The following PCDH9 variants were observed in gnomAD, a reference collection of about 807,000 sequenced individuals.
PCDH9 encodes protocadherin-9.
A neutral mutation model predicts 70.6 loss-of-function variants in PCDH9; 24 were observed. That is an observed-to-expected ratio of 0.34 (90% CI 0.25 to 0.48). The LOEUF is 0.48. Among genes scored for constraint, PCDH9 ranks in the 20% least tolerant of loss-of-function variants. PCDH9 has a pLI of 0.99. For missense variants in PCDH9, 1,281 were observed against 1,503.6 expected (o/e 0.85, Z 2.45); for synonymous variants, 562 against 558.5 (o/e 1.01, Z -0.09).
chr13:66,427,303 G>A (rs1566316979), intron 4 of PCDH9, among the ~76,000 whole-genome samples: 2 of 151,528 alleles, frequency 1.3e-5, no homozygotes, highest in Non-Finnish European at 3.0e-5. Flanking sequence ...AATACTTCTT[G>A]ACTGCACATT....
intron 2 of PCDH9, among the ~76,000 whole-genome samples, chr13:66,982,436 T>G (rs1412250521): frequency 6.6e-6 from 1 of 152,194 alleles, no homozygotes; most frequent in Non-Finnish European, 1.5e-5. Flanking sequence ...TTACACCAAG[T>G]ATGTAAAAGT....
intron 2 of PCDH9, among the ~76,000 whole-genome samples, chr13:67,044,320 C>A (rs1594434380): frequency 6.6e-6 from 1 of 152,106 alleles, no homozygotes; most frequent in African/African-American, 2.4e-5. Flanking sequence ...AACCTTACAA[C>A]ATCTTATTAC....
intron 4 of PCDH9, among the ~76,000 whole-genome samples, chr13:66,356,487 T>G (rs1463248476): frequency 6.6e-6 from 1 of 152,140 alleles, no homozygotes; most frequent in Non-Finnish European, 1.5e-5. Flanking sequence ...TCTACAATTC[T>G]AATAGCCTTC....
chr13:66,969,809 T>C (rs1488143298), intron 2 of PCDH9, among the ~76,000 whole-genome samples: 1 of 152,080 alleles, frequency 6.6e-6, no homozygotes, highest in African/African-American at 2.4e-5. Context: ...TTTCTTCATA[T>C]ATAAATCTGA....
chr13:67,189,283 T>C (rs758505459), intron 2 of PCDH9, among the ~76,000 whole-genome samples: 1 of 152,016 alleles, frequency 6.6e-6, no homozygotes, highest in Non-Finnish European at 1.5e-5. Context: ...TGGAGAAATA[T>C]CTTAATTTAA....
intron 3 of PCDH9, among the ~76,000 whole-genome samples, chr13:66,668,607 A>G: frequency 6.6e-6 from 1 of 152,156 alleles, no homozygotes; most frequent in Non-Finnish European, 1.5e-5. Flanking sequence ...TCATAGTAAG[A>G]TGTGAAAATC....
chr13:67,102,103 A>G (rs1023320427), intron 2 of PCDH9, among the ~76,000 whole-genome samples: 2 of 152,204 alleles, frequency 1.3e-5, no homozygotes, highest in Admixed American at 1.3e-4. Context: ...GTTCTTCTAC[A>G]TTAAAATATC....
chr13:66,665,542 C>A (rs2078084746), intron 3 of PCDH9, among the ~76,000 whole-genome samples: 1 of 152,154 alleles, frequency 6.6e-6, no homozygotes, highest in Non-Finnish European at 1.5e-5. Flanking sequence ...ATATCAAATT[C>A]TGCCTGGACC....
At chr13:66,422,096 C>T (rs1957578001) in intron 4 of PCDH9, among the ~76,000 whole-genome samples, 1 of 152,106 alleles carries the variant, frequency 6.6e-6, no homozygotes, top group African/African-American at 2.4e-5. Flanking sequence ...GGGATCAATG[C>T]AACAAGAACT....
chr13:66,588,563 T>C lies in PCDH9; in HGVS notation c.3340+42647A>G, dbSNP rs1306901781. The stretch of plus-strand genomic sequence containing the variant: ...ATGCACACTTCATATGTTTAAACTT[T>C]TGAAAATTTACATAAAATTAAAATC... On this transcript the variant is annotated intron_variant, in intron 4 of 4. Coordinates refer to ENST00000377865, the MANE Select transcript of PCDH9 (RefSeq NM_203487.3). 2.0e-5 allele frequency among the ~76,000 whole-genome samples: 3 copies of C among 151,922 alleles called. No individual in the cohort carries two copies. In the East Asian group the frequency reaches 5.8e-4, roughly 29 times the overall value.
intron 4 of PCDH9, among the ~76,000 whole-genome samples, chr13:66,597,819 G>T (rs550456561): frequency 2.0e-5 from 3 of 151,624 alleles, no homozygotes; most frequent in East Asian, 3.9e-4. Context: ...GAAAATATTC[G>T]CAAACCATAT....
At chr13:66,846,061 G>A (rs117306560) in intron 3 of PCDH9, among the ~76,000 whole-genome samples, 2,217 of 148,848 alleles carry the variant, frequency 0.015, 37 homozygotes, top group Middle Eastern at 0.035. Flanking sequence ...AACAAGATGG[G>A]CCATAACATT....
chr13:67,134,402 A>C (rs1182990856), intron 2 of PCDH9, among the ~76,000 whole-genome samples: 2 of 151,936 alleles, frequency 1.3e-5, no homozygotes, highest in African/African-American at 4.8e-5. Flanking sequence ...TCTTTTTGGC[A>C]CTCTAATTCA....
At chr13:66,954,955 G>A (rs113628195) in intron 2 of PCDH9, among the ~76,000 whole-genome samples, 5,860 of 152,184 alleles carry the variant, frequency 0.039, 370 homozygotes, top group African/African-American at 0.13. Flanking sequence ...AGTAGAGACA[G>A]GGTTTCACTG....
intron 2 of PCDH9, among the ~76,000 whole-genome samples, chr13:67,122,772 C>CAAT (rs56039213): frequency 0.076 from 10,851 of 143,066 alleles, 464 homozygotes; most frequent in African/African-American, 0.11. Context: ...GACTCTGTCT[C>CAAT]AATAATAATA....
intron 2 of PCDH9, among the ~76,000 whole-genome samples, chr13:67,023,187 G>A (rs2084713491): frequency 6.7e-6 from 1 of 149,774 alleles, no homozygotes; most frequent in Non-Finnish European, 1.5e-5. Context: ...GCTTTGAGCC[G>A]TTCTTTTAGA....
intron 4 of PCDH9, among the ~76,000 whole-genome samples, chr13:66,578,537 G>T (rs997329790): frequency 6.6e-6 from 1 of 151,990 alleles, no homozygotes; most frequent in Non-Finnish European, 1.5e-5. Flanking sequence ...AGAACAACTA[G>T]AAATTTTGCT....
At chr13:66,440,993 A>G (rs1957963958) in intron 4 of PCDH9, among the ~76,000 whole-genome samples, 2 of 152,140 alleles carry the variant, frequency 1.3e-5, no homozygotes, top group Non-Finnish European at 2.9e-5. Context: ...AAGTGACTCA[A>G]CTTCATTCAC....
chr13:66,998,178 G>A (rs1311748000), intron 2 of PCDH9, among the ~76,000 whole-genome samples: 1 of 152,168 alleles, frequency 6.6e-6, no homozygotes, highest in Admixed American at 6.5e-5. Flanking sequence ...GTGTCCACAA[G>A]TGAGAAGAGA....
Sources: gnomAD v4.1 joint callset for allele counts (sites outside exome capture counted in the v4.1 genomes callset) on GRCh38, gnomAD v4.1.1 for gene constraint, MANE v1.5 for transcripts, NCBI Gene and HGNC (gene_info 2026-07-23, HGNC 2026-07-21) for gene names.